Variants in MARCHF4 observed in about 807,000 individuals in gnomAD.
MARCHF4 encodes the protein membrane associated ring-CH-type finger 4, also known as E3 ubiquitin-protein ligase MARCHF4.
In MARCHF4, 14 loss-of-function variants were observed where a neutral mutation model predicts 43.9. The ratio of observed to expected loss-of-function variants is 0.32; its 90% CI spans 0.21 to 0.50. MARCHF4 has a LOEUF of 0.50. MARCHF4 is among the 20% of genes least tolerant of loss of function. The probability of loss-of-function intolerance (pLI) is 0.98; values close to 1 mark genes in which losing one functional copy is unlikely to be tolerated. For missense variants in MARCHF4, 468 were observed against 536.7 expected (o/e 0.87, Z 1.27); for synonymous variants, 226 against 213.3 (o/e 1.06, Z -0.52).
chr2:216,295,144 T>C lies in MARCHF4; in HGVS notation c.517-11415A>G, dbSNP rs1239182254. Among the ~76,000 whole-genome samples, 3 of 152,292 alleles carry C rather than the reference T, an allele frequency of 2.0e-5. No homozygotes were observed. The East Asian group carries it at 5.8e-4, about 29-fold the overall frequency. ...GCAGACCGAGGCTGGCTGGGTTGAA[T>C]CCTTGCTGACCTGTAGTGAGTTTTC... On this transcript the variant is annotated intron_variant, in intron 1 of 3. Coordinates refer to ENST00000273067, the MANE Select transcript of MARCHF4 (RefSeq NM_020814.3).
chr2:216,268,140 A>G lies in MARCHF4; in HGVS notation c.866-8461T>C, dbSNP rs187620213. On this transcript the variant is annotated intron_variant, in intron 3 of 3. Transcript: ENST00000273067. ...ATTGCTGGGGATGCCCCACGGTCAC[A>G]AGTGTCAGCCTTTGCAAGCCCTGGC... Among the ~76,000 whole-genome samples the G allele has an allele frequency of 4.7e-3, 719 of 152,292 alleles. 5 individuals carry two copies. The highest frequency in any genetic ancestry group is 0.019 in the Admixed American group (298 of 15,298).
chr2:216,308,436 G>A (rs897118887), intron 1 of MARCHF4, among the ~76,000 whole-genome samples: 1 of 151,978 alleles, frequency 6.6e-6, no homozygotes, highest in African/African-American at 2.4e-5. Context: ...CAGGCACATG[G>A]AGCTCTATCC....
At chr2:216,320,628 T>C (rs957852992) in intron 1 of MARCHF4, among the ~76,000 whole-genome samples, 2 of 95,858 alleles carry the variant, frequency 2.1e-5, no homozygotes, top group African/African-American at 8.8e-5. Flanking sequence ...TCTTTCTTTC[T>C]TTCTTTCTTT....
intron 1 of MARCHF4, among the ~76,000 whole-genome samples, chr2:216,296,345 C>T (rs1559092374): frequency 6.6e-6 from 1 of 152,158 alleles, no homozygotes; most frequent in Admixed American, 6.5e-5. Flanking sequence ...GACTCCATCT[C>T]AAACAAAACA....
At chr2:216,294,293 G>C (rs1691357133) in intron 1 of MARCHF4, among the ~76,000 whole-genome samples, 1 of 152,250 alleles carries the variant, frequency 6.6e-6, no homozygotes, top group South Asian at 2.1e-4. Flanking sequence ...CCCAGCCTCA[G>C]CTGTGCAAAA....
At chr2:216,365,660 T>A (rs957774011) in intron 1 of MARCHF4, among the ~76,000 whole-genome samples, 1 of 152,230 alleles carries the variant, frequency 6.6e-6, no homozygotes, top group Admixed American at 6.5e-5. Context: ...CTTCTCTAAC[T>A]AACTGTAGAT....
chr2:216,320,681 T>TTTA (rs1691877275), intron 1 of MARCHF4, among the ~76,000 whole-genome samples: 1 of 142,398 alleles, frequency 7.0e-6, no homozygotes, highest in Non-Finnish European at 1.5e-5. Flanking sequence ...CTTTCTTTTT[T>TTTA]TTTTTTTGAG....
At position 216,369,949 on chromosome 2, in the gene MARCHF4, C is replaced by A. The variant is rs778868864; in HGVS notation, c.312G>T (p.Val104=). The change falls in exon 1 of 4, where the codon GTG becomes GTT. Residue 104 remains valine (V), a synonymous_variant. Coordinates refer to ENST00000273067, the MANE Select transcript of MARCHF4 (RefSeq NM_020814.3). The part of the protein sequence containing the change: ...REVVGREPPP[V]PPPPPLPPSS... Reference sequence around the variant, plus strand: ...AAGGTGGCAAGGGGGGTGGAGGTGGCACAGGAGGGGGCTCCCTGCCCACCA... The same window carrying A: ...AAGGTGGCAAGGGGGGTGGAGGTGGAACAGGAGGGGGCTCCCTGCCCACCA... 1.0e-5 allele frequency: 16 copies of A among 1,592,920 alleles called. No individual in the cohort carries two copies. Among genetic ancestry groups the A allele is most frequent in the Admixed American group, 8.7e-5 (5 of 57,208 alleles).
At chr2:216,339,336 T>C (rs1402040829) in intron 1 of MARCHF4, among the ~76,000 whole-genome samples, 1 of 152,116 alleles carries the variant, frequency 6.6e-6, no homozygotes, top group African/African-American at 2.4e-5. Context: ...CCCTCCTACT[T>C]CCCATGGTCC....
Position 216,305,379 on chromosome 2 carries a change from T to C in MARCHF4, c.517-21650A>G, listed in dbSNP as rs115861363. ...ATGTGCATGTGGTCATGGTCTATAGTTTGAATGCTCTTTTGCAGCGATTTC... is the reference window on the plus strand; with the variant it reads ...ATGTGCATGTGGTCATGGTCTATAGCTTGAATGCTCTTTTGCAGCGATTTC... On this transcript the variant is annotated intron_variant, in intron 1 of 3. Coordinates refer to ENST00000273067, the MANE Select transcript of MARCHF4 (RefSeq NM_020814.3). Among the ~76,000 whole-genome samples, 686 of 152,312 alleles carry C rather than the reference T, an allele frequency of 4.5e-3. 3 individuals carry two copies. Among genetic ancestry groups the C allele is most frequent in the African/African-American group, 0.016 (665 of 41,550 alleles).
intron 2 of MARCHF4, among the ~76,000 whole-genome samples, chr2:216,278,602 GT>G (rs1691073577): frequency 6.6e-6 from 1 of 151,962 alleles, no homozygotes; most frequent in South Asian, 2.1e-4. Flanking sequence ...AGGCTTTTTT[GT>G]TTTTGATTTT....
chr2:216,269,257 C>G (rs773728202), intron 3 of MARCHF4, among the ~76,000 whole-genome samples: 7 of 151,996 alleles, frequency 4.6e-5, no homozygotes, highest in Non-Finnish European at 8.8e-5. Flanking sequence ...TTTTTGGTGC[C>G]AAAGCCCTTA....
intron 2 of MARCHF4, among the ~76,000 whole-genome samples, chr2:216,282,998 C>T (rs1691155286): frequency 6.6e-6 from 1 of 152,190 alleles, no homozygotes; most frequent in Admixed American, 6.5e-5. Flanking sequence ...ATCCCTGCTC[C>T]AGACCTATAG....
intron 1 of MARCHF4, among the ~76,000 whole-genome samples, chr2:216,350,210 C>T (rs1692378964): frequency 6.6e-6 from 1 of 151,320 alleles, no homozygotes; most frequent in South Asian, 2.1e-4. Flanking sequence ...GCCACTGTCT[C>T]ATCATGCCAC....
At chr2:216,265,313 T>C (rs1690827430) in intron 3 of MARCHF4, among the ~76,000 whole-genome samples, 1 of 152,204 alleles carries the variant, frequency 6.6e-6, no homozygotes, top group South Asian at 2.1e-4. Context: ...GCTGTATTTG[T>C]GGGAAATCCA....
At chr2:216,338,919 A>T (rs1692196907) in intron 1 of MARCHF4, among the ~76,000 whole-genome samples, 1 of 152,182 alleles carries the variant, frequency 6.6e-6, no homozygotes, top group Admixed American at 6.5e-5. Flanking sequence ...TTTACAAGAG[A>T]AAAAGCCAAA....
At chr2:216,314,931 A>T (rs1455590023) in intron 1 of MARCHF4, among the ~76,000 whole-genome samples, 2 of 152,184 alleles carry the variant, frequency 1.3e-5, no homozygotes, top group Non-Finnish European at 2.9e-5. Flanking sequence ...ACTCCAAAAA[A>T]AGCTGGAACC....
intron 1 of MARCHF4, among the ~76,000 whole-genome samples, chr2:216,326,254 C>T (rs1691989382): frequency 6.6e-6 from 1 of 152,060 alleles, no homozygotes; most frequent in Non-Finnish European, 1.5e-5. Context: ...ATCAAAACCA[C>T]AATGAGATAC....
chr2:216,354,718 C>T (rs1440583604), intron 1 of MARCHF4, among the ~76,000 whole-genome samples: 3 of 152,110 alleles, frequency 2.0e-5, no homozygotes, highest in African/African-American at 7.2e-5. Context: ...TGGAGGATCC[C>T]TTAAGAGGTC....
Sources: allele counts gnomAD v4.1 joint callset (sites outside exome capture counted in the v4.1 genomes callset), GRCh38; gene constraint gnomAD v4.1.1; transcripts MANE v1.5; gene names NCBI Gene and HGNC (gene_info 2026-07-23, HGNC 2026-07-21).